SPAG16: variants seen among roughly 807,000 people sequenced by gnomAD.
The protein encoded by SPAG16 is sperm associated antigen 16.
Under a neutral mutation model 80.4 loss-of-function variants are expected in SPAG16, and 86 were observed. The ratio of observed to expected loss-of-function variants is 1.07; its 90% CI spans 0.90 to 1.28. The LOEUF is 1.28. Ranked by LOEUF, SPAG16 falls within the 50% of genes most tolerant of loss-of-function variation. The pLI is 0.00. For synonymous variants in SPAG16, 294 were observed against 265.9 expected (o/e 1.11, Z -1.03); for missense variants, 870 against 765.3 (o/e 1.14, Z -1.61).
chr2:214,262,247 C>A (rs559204170), intron 15 of SPAG16, among the ~76,000 whole-genome samples: 39 of 151,988 alleles, frequency 2.6e-4, no homozygotes, highest in African/African-American at 9.4e-4. Context: ...ACCAAGGAAA[C>A]AGGAGGGAAT....
At chr2:213,546,580 G>GGACAAGA (rs143406246) in intron 10 of SPAG16, among the ~76,000 whole-genome samples, 15,042 of 151,984 alleles carry the variant, frequency 0.099, 1,327 homozygotes, top group African/African-American at 0.24. Flanking sequence ...CCATTCTTGT[G>GGACAAGA]GATAATAAAC....
chr2:213,710,403 C>T (rs557590450), intron 10 of SPAG16, among the ~76,000 whole-genome samples: 7 of 151,966 alleles, frequency 4.6e-5, no homozygotes, highest in Non-Finnish European at 1.0e-4. Flanking sequence ...TATAACTAAG[C>T]GTAAGGTATC....
chr2:214,085,803 G>A (rs1423710779), intron 13 of SPAG16, among the ~76,000 whole-genome samples: 2 of 152,186 alleles, frequency 1.3e-5, no homozygotes, highest in Non-Finnish European at 2.9e-5. Context: ...GCTTTTCACA[G>A]TGACATAGCT....
rs184522230 is a variant in SPAG16 at position 214,101,594 on chromosome 2, G to A, written c.1528-6602G>A. Among the ~76,000 whole-genome samples, 52 of 152,152 alleles carry A rather than the reference G, an allele frequency of 3.4e-4. 1 individual carries two copies. The East Asian group carries it at 3.9e-3, about 11-fold the overall frequency. On this transcript the variant is annotated intron_variant, in intron 13 of 15. Transcript: ENST00000331683. Reference sequence around the variant, plus strand: ...AAGCCCATGGAGGGTTAGGAGGTGCGTATCTACCCAGAAAGGAGGAATATT... The same window carrying A: ...AAGCCCATGGAGGGTTAGGAGGTGCATATCTACCCAGAAAGGAGGAATATT...
chr2:214,179,226 G>T (rs1313938674), intron 15 of SPAG16, among the ~76,000 whole-genome samples: 1 of 151,216 alleles, frequency 6.6e-6, no homozygotes, highest in Admixed American at 6.6e-5. Flanking sequence ...CCAATTCTCT[G>T]GTCAATTTTT....
chr2:213,897,592 A>T (rs1559925), intron 11 of SPAG16, among the ~76,000 whole-genome samples: 89,386 of 151,542 alleles, frequency 0.59, 28,138 homozygotes, highest in South Asian at 0.84. Context: ...TTTTCTAGAG[A>T]TTGTACCCTC....
intron 13 of SPAG16, among the ~76,000 whole-genome samples, chr2:214,101,251 G>GAACTCATTACATGGTCTCTCATAA (rs1432080675): frequency 6.6e-6 from 1 of 152,020 alleles, no homozygotes; most frequent in African/African-American, 2.4e-5. Context: ...CGGTCAGTCA[G>GAACTCATTACATGGTCTCTCATAA]GCTAGGCTAG....
chr2:213,966,635 T>C (rs1421252986), intron 12 of SPAG16, among the ~76,000 whole-genome samples: 10 of 152,204 alleles, frequency 6.6e-5, no homozygotes, highest in Admixed American at 6.5e-4. Flanking sequence ...CTTGCATATT[T>C]TCCAAATCTT....
intron 8 of SPAG16, among the ~76,000 whole-genome samples, chr2:213,367,109 A>G (rs1352085653): frequency 6.6e-6 from 1 of 152,174 alleles, no homozygotes; most frequent in Admixed American, 6.5e-5. Context: ...CCTACAAAGG[A>G]CATGAACTCA....
intron 13 of SPAG16, among the ~76,000 whole-genome samples, chr2:214,096,622 CA>C (rs2052610472): frequency 6.6e-6 from 1 of 151,974 alleles, no homozygotes; most frequent in Non-Finnish European, 1.5e-5. Context: ...TTCTGAAAAA[CA>C]GCTGGTTTCT....
intron 14 of SPAG16, among the ~76,000 whole-genome samples, chr2:214,143,817 G>A (rs930803489): frequency 4.6e-5 from 7 of 152,030 alleles, no homozygotes; most frequent in African/African-American, 1.7e-4. Flanking sequence ...AACACATTTA[G>A]TACCTTCCCA....
At chr2:213,318,521 A>G (rs1404273605) in intron 5 of SPAG16, among the ~76,000 whole-genome samples, 1 of 152,024 alleles carries the variant, frequency 6.6e-6, no homozygotes, top group Non-Finnish European at 1.5e-5. Context: ...GTTGGAGGAA[A>G]GCAAGTATGG....
intron 10 of SPAG16, among the ~76,000 whole-genome samples, chr2:213,578,207 A>T (rs147954023): frequency 9.9e-5 from 15 of 152,262 alleles, no homozygotes; most frequent in African/African-American, 2.2e-4. Flanking sequence ...TACATCAGTC[A>T]TGTTTTCTTT....
At chr2:213,766,396 T>C (rs1228347980) in intron 10 of SPAG16, among the ~76,000 whole-genome samples, 4 of 152,210 alleles carry the variant, frequency 2.6e-5, no homozygotes, top group Non-Finnish European at 4.4e-5. Context: ...TTAAATTATA[T>C]CTTAATAAAA....
intron 10 of SPAG16, among the ~76,000 whole-genome samples, chr2:213,506,372 T>C (rs2074969039): frequency 6.6e-6 from 1 of 152,230 alleles, no homozygotes; most frequent in South Asian, 2.1e-4. Context: ...ATATACATTA[T>C]AAATTTCATA....
intron 12 of SPAG16, among the ~76,000 whole-genome samples, chr2:213,961,203 C>G (rs2044398715): frequency 6.6e-6 from 1 of 152,170 alleles, no homozygotes; most frequent in African/African-American, 2.4e-5. Flanking sequence ...GCTTCTTATT[C>G]TGCCATCTCT....
At chr2:213,540,982 C>G (rs1450779656) in intron 10 of SPAG16, among the ~76,000 whole-genome samples, 1 of 152,214 alleles carries the variant, frequency 6.6e-6, no homozygotes, top group East Asian at 1.9e-4. Flanking sequence ...CGTGTGCACG[C>G]AGGTGCACTC....
intron 10 of SPAG16, among the ~76,000 whole-genome samples, chr2:213,634,309 C>T (rs753963906): frequency 6.6e-6 from 1 of 152,142 alleles, no homozygotes; most frequent in Non-Finnish European, 1.5e-5. Flanking sequence ...AAACTATATG[C>T]ATTAACTTTG....
intron 10 of SPAG16, among the ~76,000 whole-genome samples, chr2:213,781,662 C>A (rs2069981236): frequency 6.6e-6 from 1 of 152,100 alleles, no homozygotes; most frequent in African/African-American, 2.4e-5. Context: ...TTTTGCATAT[C>A]CACTCTGTAC....
Sources: allele counts gnomAD v4.1 joint callset (sites outside exome capture counted in the v4.1 genomes callset), GRCh38; gene constraint gnomAD v4.1.1; transcripts MANE v1.5; gene names NCBI Gene and HGNC (gene_info 2026-07-23, HGNC 2026-07-21).